Variants in NFIL3 observed in about 807,000 individuals in gnomAD.
NFIL3 encodes nuclear factor interleukin-3-regulated protein.
NFIL3 carries 5 observed loss-of-function variants against 10.0 expected under a neutral mutation model. The observed-to-expected ratio is 0.50, with a 90% CI of 0.26 to 1.06. The LOEUF is 1.06. NFIL3 is among the 50% of genes least tolerant of loss of function. The pLI, the probability that NFIL3 is intolerant of heterozygous loss-of-function variation, is 0.13. For synonymous variants in NFIL3, 202 were observed against 206.5 expected (o/e 0.98, Z 0.19); for missense variants, 436 against 547.6 (o/e 0.80, Z 2.03).
the NFIL3 span, among the ~76,000 whole-genome samples, chr9:91,430,384 A>G: frequency 6.6e-6 from 1 of 151,982 alleles, no homozygotes; most frequent in East Asian, 1.9e-4. Flanking sequence ...GCGCTCATTC[A>G]CTCACTCCCT....
chr9:91,410,398 C>A lies in NFIL3; in HGVS notation c.337G>T (p.Ala113Ser). Residue 113 changes from alanine to serine, a missense_variant, in exon 2 of 2, where the codon GCC becomes TCC. By Grantham distance (99) the Ala-to-Ser change is moderately conservative. Coordinates refer to ENST00000297689, the MANE Select transcript of NFIL3 (RefSeq NM_005384.3). This position sits in a 1 kb window ranked among gnomAD's most constrained non-coding sequence, Gnocchi z 5.7. ...GAAAGCAGCTCAGCTTTTAAAGTGG[C>A]GTTTTCTTCTCCCAGTGCAATTAGT... is the stretch of plus-strand genomic sequence containing the variant. ...NKLIALGEENATLKAELLSLK... is the reference protein window; with the variant it reads ...NKLIALGEENSTLKAELLSLK... 4 of 1,613,494 alleles carry A rather than the reference C, an allele frequency of 2.5e-6. No homozygotes were observed. Among genetic ancestry groups the A allele is most frequent in the Non-Finnish European group, 2.5e-6 (3 of 1,179,878 alleles).
At chr9:91,447,658 C>T in the NFIL3 span, among the ~76,000 whole-genome samples, 2 of 152,086 alleles carry the variant, frequency 1.3e-5, no homozygotes, top group African/African-American at 4.8e-5. Flanking sequence ...TTATTCAAGT[C>T]CTTTAACTAC....
the NFIL3 span, among the ~76,000 whole-genome samples, chr9:91,440,699 T>A: frequency 6.6e-6 from 1 of 152,110 alleles, no homozygotes; most frequent in African/African-American, 2.4e-5. Context: ...TTAGTATGTT[T>A]CATTTCCATT....
chr9:91,416,796 C>T lies in NFIL3; in HGVS notation c.-172-5890G>A, dbSNP rs576877305. On this transcript the variant is annotated intron_variant, in intron 1 of 1. Coordinates refer to ENST00000297689, the MANE Select transcript of NFIL3 (RefSeq NM_005384.3). ...TATAGCAAGAATTATATTTCATAAG[C>T]CCAGATTTTTAAAGTTTAAGTCAGA... 5.9e-5 allele frequency among the ~76,000 whole-genome samples: 9 copies of T among 152,230 alleles called. No individual in the cohort carries two copies. In the South Asian group the frequency reaches 6.2e-4, roughly 11 times the overall value.
At chr9:91,457,006 A>G in the NFIL3 span, among the ~76,000 whole-genome samples, 23 of 152,070 alleles carry the variant, frequency 1.5e-4, 1 homozygote, top group East Asian at 4.2e-3. Flanking sequence ...CTACTGAATT[A>G]CCTTTGCACT....
chr9:91,460,271 C>CTTTTT, the NFIL3 span, among the ~76,000 whole-genome samples: 27 of 70,416 alleles, frequency 3.8e-4, 4 homozygotes, highest in East Asian at 2.0e-3. Context: ...GGGCTTGGTT[C>CTTTTT]TTTTTTTTTT....
chr9:91,422,205 T>C (rs553408352), intron 1 of NFIL3, among the ~76,000 whole-genome samples: 1 of 152,284 alleles, frequency 6.6e-6, no homozygotes, highest in South Asian at 2.1e-4. Flanking sequence ...CGCTGCGAAA[T>C]GCCTTCCTAA....
chr9:91,427,067 G>A (rs1457002050), upstream of NFIL3: 2 of 150,912 alleles, frequency 1.3e-5, no homozygotes, highest in African/African-American at 2.4e-5. Context: ...TCAAAAGAAC[G>A]TTGACTTTTT....
the NFIL3 span, among the ~76,000 whole-genome samples, chr9:91,460,569 G>A: frequency 6.6e-6 from 1 of 152,066 alleles, no homozygotes; most frequent in Non-Finnish European, 1.5e-5. Flanking sequence ...GAGCCACCAC[G>A]CCCAGCTTGG....
chr9:91,431,884 TG>T, the NFIL3 span, among the ~76,000 whole-genome samples: 1 of 152,218 alleles, frequency 6.6e-6, no homozygotes, highest in Non-Finnish European at 1.5e-5. Flanking sequence ...GTCTCCTTCC[TG>T]GATCCCCTTT....
chr9:91,415,272 CA>C (rs1833633501), intron 1 of NFIL3, among the ~76,000 whole-genome samples: 1 of 152,180 alleles, frequency 6.6e-6, no homozygotes, highest in Non-Finnish European at 1.5e-5. Flanking sequence ...GAGATAATAA[CA>C]AAAACAATCA....
the NFIL3 span, among the ~76,000 whole-genome samples, chr9:91,468,719 G>T: frequency 2.6e-5 from 4 of 152,138 alleles, no homozygotes; most frequent in Admixed American, 1.3e-4. Context: ...TTTGTATAAG[G>T]TGTAAGGAAG....
chr9:91,437,516 A>G, the NFIL3 span, among the ~76,000 whole-genome samples: 1 of 152,242 alleles, frequency 6.6e-6, no homozygotes, highest in Non-Finnish European at 1.5e-5. Context: ...TTGTGGCAAG[A>G]ATAGCTAAAG....
chr9:91,462,006 G>A, the NFIL3 span, among the ~76,000 whole-genome samples: 1 of 152,060 alleles, frequency 6.6e-6, no homozygotes, highest in Non-Finnish European at 1.5e-5. Context: ...TAACAAAATG[G>A]GGGGAGGTTA....
At chr9:91,482,592 C>T in the NFIL3 span, among the ~76,000 whole-genome samples, 5 of 152,032 alleles carry the variant, frequency 3.3e-5, no homozygotes, top group East Asian at 7.7e-4. Flanking sequence ...CTCTGCCTCC[C>T]GGGTTCAAGT....
the NFIL3 span, among the ~76,000 whole-genome samples, chr9:91,475,179 C>T: frequency 6.6e-6 from 1 of 152,298 alleles, no homozygotes; most frequent in African/African-American, 2.4e-5. Flanking sequence ...TACTTTGTTC[C>T]AACCATTTCA....
chr9:91,474,781 ATCTGTCCTTGTCAT>A, the NFIL3 span, among the ~76,000 whole-genome samples: 7 of 152,336 alleles, frequency 4.6e-5, 1 homozygote, highest in South Asian at 2.1e-4. Flanking sequence ...GAGTACTTTA[ATCTGTCCTTGTCAT>A]TCAAAAGCAG....
intron 1 of NFIL3, among the ~76,000 whole-genome samples, chr9:91,414,311 C>T (rs1315467447): frequency 6.6e-6 from 1 of 152,234 alleles, no homozygotes; most frequent in African/African-American, 2.4e-5. Flanking sequence ...CCAAGCAATT[C>T]TCCTGCCTCA....
rs1320877012 is a variant in NFIL3 at position 91,409,269 on chromosome 9, A to C, written c.*77T>G. The C allele has an allele frequency of 7.2e-7, 1 of 1,386,540 alleles. No individual in the cohort carries two copies. Among genetic ancestry groups the C allele is most frequent in the Non-Finnish European group, 9.8e-7 (1 of 1,023,528 alleles). The allele number at this position is 1,386,540 out of a possible 1,614,324, so 85.9% of individuals were successfully genotyped here. ...AAATGACATCACAGGTCCAGTGAAA[A>C]TTCAGCATAATACAAAATGGACTGC... On this transcript the variant is annotated 3_prime_UTR_variant, in exon 2 of 2. Coordinates refer to ENST00000297689, the MANE Select transcript of NFIL3 (RefSeq NM_005384.3).
Sources: allele counts gnomAD v4.1 joint callset (sites outside exome capture counted in the v4.1 genomes callset), GRCh38; gene constraint gnomAD v4.1.1; non-coding constraint Gnocchi (gnomAD v3.1); transcripts MANE v1.5; gene names NCBI Gene and HGNC (gene_info 2026-07-23, HGNC 2026-07-21).